DLG2: variants seen among roughly 807,000 people sequenced by gnomAD.
DLG2 encodes the protein discs large MAGUK scaffold protein 2.
DLG2 carries 45 observed loss-of-function variants against 132.5 expected under a neutral mutation model. The observed-to-expected ratio is 0.34, with a 90% CI of 0.27 to 0.44. The LOEUF (loss-of-function observed/expected upper bound fraction) is 0.44. Ranked by LOEUF, DLG2 falls within the 20% of genes least tolerant of loss-of-function variation. DLG2 has a pLI of 1.00. For missense variants in DLG2, 1,045 were observed against 1,196.9 expected, an observed-to-expected ratio of 0.87 and a Z score of 1.87; for synonymous variants, 424 against 419.6, an observed-to-expected ratio of 1.01 and a Z score of -0.13.
intron 18 of DLG2, among the ~76,000 whole-genome samples, chr11:83,649,561 T>C (rs1051894943): frequency 1.3e-5 from 2 of 152,190 alleles, no homozygotes; most frequent in Non-Finnish European, 2.9e-5. Context: ...ACTTCAACCC[T>C]GGTTTTCTCA....
At chr11:85,500,872 C>T (rs1329986013) in intron 3 of DLG2, among the ~76,000 whole-genome samples, 1 of 152,160 alleles carries the variant, frequency 6.6e-6, no homozygotes, top group African/African-American at 2.4e-5. Context: ...CCATGCTATC[C>T]CCATCAAGTT....
intron 6 of DLG2, among the ~76,000 whole-genome samples, chr11:84,792,296 T>G (rs2073966644): frequency 6.6e-6 from 1 of 152,200 alleles, no homozygotes; most frequent in East Asian, 1.9e-4. Flanking sequence ...TTGGTCATCA[T>G]GAATGATATT....
intron 7 of DLG2, among the ~76,000 whole-genome samples, chr11:84,268,460 CTTTT>C (rs145806678): frequency 1.2e-4 from 14 of 119,214 alleles, no homozygotes; most frequent in East Asian, 2.3e-4. Flanking sequence ...TACTTCACCT[CTTTT>C]TTTTTTTTTT....
intron 7 of DLG2, among the ~76,000 whole-genome samples, chr11:84,297,955 G>A (rs2098112724): frequency 6.6e-6 from 1 of 151,974 alleles, no homozygotes. Flanking sequence ...CTCTCAAGTA[G>A]GAACTCAATT....
intron 6 of DLG2, among the ~76,000 whole-genome samples, chr11:84,680,457 AT>A (rs1413939611): frequency 6.6e-6 from 1 of 152,124 alleles, no homozygotes; most frequent in Non-Finnish European, 1.5e-5. Flanking sequence ...GAATCTACCT[AT>A]CCTTACATGC....
intron 15 of DLG2, among the ~76,000 whole-genome samples, chr11:83,915,935 A>C (rs790361): frequency 0.84 from 127,073 of 152,114 alleles, 53,410 homozygotes; most frequent in African/African-American, 0.93. Context: ...AATCTATTTT[A>C]TGACTCTACA....
chr11:84,532,425 A>G (rs1282296025), intron 7 of DLG2, among the ~76,000 whole-genome samples: 1 of 152,036 alleles, frequency 6.6e-6, no homozygotes, highest in African/African-American at 2.4e-5. Context: ...GTTCTTTGGG[A>G]GGTATGCTCT....
intron 7 of DLG2, among the ~76,000 whole-genome samples, chr11:84,383,153 A>G (rs928307458): frequency 2.0e-5 from 3 of 151,874 alleles, no homozygotes; most frequent in Admixed American, 2.0e-4. Flanking sequence ...TACCTTCTCA[A>G]TACTCTTTCA....
chr11:83,565,211 G>C (rs1449047426), intron 19 of DLG2, among the ~76,000 whole-genome samples: 1 of 152,130 alleles, frequency 6.6e-6, no homozygotes, highest in Non-Finnish European at 1.5e-5. Flanking sequence ...CATTGTGCTG[G>C]AGAATCAGTT....
intron 17 of DLG2, among the ~76,000 whole-genome samples, chr11:83,819,782 AC>A (rs887183247): frequency 6.6e-6 from 1 of 152,050 alleles, no homozygotes; most frequent in African/African-American, 2.4e-5. Flanking sequence ...CCTTTTCCTG[AC>A]CCCTCTATTT....
At chr11:85,350,129 T>C (rs2083168673) in intron 3 of DLG2, among the ~76,000 whole-genome samples, 1 of 152,224 alleles carries the variant, frequency 6.6e-6, no homozygotes, top group South Asian at 2.1e-4. Flanking sequence ...TGGCATCTCA[T>C]TGTGGTTTTG....
intron 6 of DLG2, among the ~76,000 whole-genome samples, chr11:84,873,550 T>G (rs1406597464): frequency 1.3e-5 from 2 of 152,206 alleles, no homozygotes; most frequent in African/African-American, 2.4e-5. Context: ...AGTAAGCATG[T>G]AAGTAAGTAA....
chr11:85,031,813 C>T (rs2061021342), intron 6 of DLG2, among the ~76,000 whole-genome samples: 1 of 152,080 alleles, frequency 6.6e-6, no homozygotes, highest in Non-Finnish European at 1.5e-5. Context: ...GAGATGGAGA[C>T]TTGCTTTGTC....
intron 6 of DLG2, among the ~76,000 whole-genome samples, chr11:84,625,284 T>G (rs1033172772): frequency 1.3e-5 from 2 of 152,180 alleles, no homozygotes; most frequent in African/African-American, 2.4e-5. Flanking sequence ...CACAGATGAC[T>G]CTTTACCACA....
chr11:85,075,128 A>G (rs1294920315), intron 6 of DLG2, among the ~76,000 whole-genome samples: 1 of 151,940 alleles, frequency 6.6e-6, no homozygotes, highest in Non-Finnish European at 1.5e-5. Context: ...TTTTATCTAA[A>G]AAGACCGGTA....
At chr11:85,260,142 G>T (rs2076868232) in intron 4 of DLG2, among the ~76,000 whole-genome samples, 1 of 152,082 alleles carries the variant, frequency 6.6e-6, no homozygotes, top group Admixed American at 6.5e-5. Flanking sequence ...TTTGTAAAAA[G>T]GGGGATAAAG....
intron 25 of DLG2, among the ~76,000 whole-genome samples, chr11:83,467,911 T>C (rs2091433251): frequency 6.7e-6 from 1 of 149,972 alleles, no homozygotes; most frequent in Admixed American, 6.7e-5. Context: ...GCATGAGGTA[T>C]GTAAATTTCT....
chr11:85,475,962 T>G (rs1200958548), intron 3 of DLG2, among the ~76,000 whole-genome samples: 1 of 152,152 alleles, frequency 6.6e-6, no homozygotes, highest in Non-Finnish European at 1.5e-5. Flanking sequence ...TCTAAGAAAG[T>G]ATCTACTAAC....
chr11:84,386,333 T>A (rs2154436063), intron 7 of DLG2, among the ~76,000 whole-genome samples: 1 of 152,156 alleles, frequency 6.6e-6, no homozygotes, highest in African/African-American at 2.4e-5. Context: ...TCCTACTATA[T>A]CCTTTTGGTA....
Sources: gnomAD v4.1 joint callset for allele counts (sites outside exome capture counted in the v4.1 genomes callset) on GRCh38, gnomAD v4.1.1 for gene constraint, MANE v1.5 for transcripts, NCBI Gene and HGNC (gene_info 2026-07-23, HGNC 2026-07-21) for gene names.